Variants in ARID4A observed in about 807,000 individuals in gnomAD.
The protein encoded by ARID4A is AT-rich interactive domain-containing protein 4A.
Under a neutral mutation model 148.6 loss-of-function variants are expected in ARID4A, and 39 were observed. That is an observed-to-expected ratio of 0.26 (90% CI 0.20 to 0.34). ARID4A has a LOEUF of 0.34. Among genes scored for constraint, ARID4A ranks in the 10% least tolerant of loss-of-function variants. ARID4A has a pLI of 1.00. For missense variants in ARID4A, 1,265 were observed against 1,449.1 expected (o/e 0.87, Z 2.06); for synonymous variants, 475 against 481.2 (o/e 0.99, Z 0.17).
At position 58,364,350 on chromosome 14, in the gene ARID4A, C is replaced by T; in HGVS notation, c.2261C>T (p.Pro754Leu). Residue 754 changes from proline (P) to leucine (L), a missense_variant, in exon 20 of 24, where the codon CCT (proline) becomes CTT (leucine). Transcript: ENST00000355431. The stretch of plus-strand genomic sequence containing the variant: ...GAAAATGATAGGACTCAAATGCAGC[C>T]TTTAGAAACCCTGAAGTTAGAAGTT... ...LKENDRTQMQ[P>L]LETLKLEVGE... The T allele has an allele frequency of 6.3e-7, 1 of 1,589,388 alleles. No homozygotes were observed. Among genetic ancestry groups the T allele is most frequent in the Non-Finnish European group, 8.5e-7 (1 of 1,173,684 alleles).
chr14:58,346,364 T>G, intron 12 of ARID4A, 47 bp from the exon 13 acceptor site: 1 of 1,364,724 alleles, frequency 7.3e-7, no homozygotes, highest in Non-Finnish European at 1.0e-6. Flanking sequence ...AAATTAGTAT[T>G]TCTCATTTGA....
At chr14:58,353,558 A>G (rs2034733771) in intron 16 of ARID4A, 100 bp from the exon 17 acceptor site, 4 of 993,238 alleles carry the variant, frequency 4.0e-6, no homozygotes, top group Non-Finnish European at 4.5e-6. Context: ...TTATTAAGGT[A>G]ATACTTAGGT....
chr14:58,326,149 C>G lies in ARID4A; in HGVS notation c.583-2088C>G, dbSNP rs566744692. Among the ~76,000 whole-genome samples, 3 of 151,974 alleles carry G rather than the reference C, an allele frequency of 2.0e-5. No homozygotes were observed. The South Asian group carries it at 6.2e-4, about 32-fold the overall frequency. ...GTAGGCAAAGCTTCACTAGAGGAAA[C>G]AAAAAAATAGGTTAAAAAAATAGCA... On this transcript the variant is annotated intron_variant, in intron 8 of 23. Coordinates refer to ENST00000355431, the MANE Select transcript of ARID4A (RefSeq NM_002892.4).
intron 11 of ARID4A, among the ~76,000 whole-genome samples, chr14:58,343,583 C>A (rs930992659): frequency 2.6e-5 from 4 of 152,098 alleles, no homozygotes; most frequent in Non-Finnish European, 5.9e-5. Context: ...AATCCCAGCA[C>A]TTTGGGAGGC....
intron 5 of ARID4A, 69 bp from the exon 6 acceptor site, chr14:58,318,473 C>A: frequency 7.1e-7 from 1 of 1,405,194 alleles, no homozygotes; most frequent in Middle Eastern, 1.8e-4. Context: ...GCAATAATAG[C>A]ATTCTGTGCT....
At chr14:58,318,039 CT>C (rs2032587290) in intron 5 of ARID4A, among the ~76,000 whole-genome samples, 3 of 151,880 alleles carry the variant, frequency 2.0e-5, no homozygotes, top group Non-Finnish European at 4.4e-5. Flanking sequence ...GAACTTGTAT[CT>C]TATGACTTTA....
intron 13 of ARID4A, 54 bp from the exon 14 acceptor site, chr14:58,346,966 A>G (rs1332611548): frequency 5.1e-6 from 2 of 389,394 alleles, no homozygotes; most frequent in Non-Finnish European, 8.7e-6. Flanking sequence ...AAAAAAAAAA[A>G]AAAAAAAGAT....
In ARID4A at chr14:58,364,154, A is replaced by C; in HGVS notation, c.2081-16A>C. On this transcript the variant is annotated splice_polypyrimidine_tract_variant and intron_variant, in intron 19 of 23. Transcript: ENST00000355431. ...ATATAAAAACCTGTATAATATAATA[A>C]TATTTCCTCTTACAGACTCTTGTTC... The C allele has an allele frequency of 1.6e-6, 2 of 1,250,314 alleles. No homozygotes were observed. Among genetic ancestry groups the C allele is most frequent in the East Asian group, 2.7e-5 (1 of 37,160 alleles). 77.5% of individuals were successfully genotyped at this position (1,250,314 alleles called of 1,614,324 possible).
chr14:58,308,026 G>A (rs1351117349), intron 5 of ARID4A, among the ~76,000 whole-genome samples: 1 of 151,808 alleles, frequency 6.6e-6, no homozygotes, highest in African/African-American at 2.4e-5. Flanking sequence ...CTGATAAAAT[G>A]CGCATGCTCT....
intron 5 of ARID4A, among the ~76,000 whole-genome samples, chr14:58,317,148 G>C (rs1032802356): frequency 4.2e-5 from 6 of 143,480 alleles, no homozygotes; most frequent in South Asian, 2.3e-4. Context: ...AGCTGAGATC[G>C]CGCCACTGCA....
chr14:58,363,344 T>G (rs2035215030), intron 19 of ARID4A, among the ~76,000 whole-genome samples: 1 of 152,208 alleles, frequency 6.6e-6, no homozygotes, highest in South Asian at 2.1e-4. Flanking sequence ...CAATTTTTGT[T>G]TCCTGTACTT....
Position 58,361,819 on chromosome 14 carries a change from T to A in ARID4A, c.2080+777T>A, listed in dbSNP as rs187864316. 1.4e-3 allele frequency among the ~76,000 whole-genome samples: 209 copies of A among 152,328 alleles called. 1 individual carries two copies. The highest frequency in any genetic ancestry group is 4.7e-3 in the African/African-American group (195 of 41,574). ...CTGGAATTTTTTACTTGTGGTGTCA[T>A]GTTGGTGCCCAAAAAGTTGTGGAAT... On this transcript the variant is annotated intron_variant, in intron 19 of 23. Transcript: ENST00000355431.
chr14:58,337,266 AT>A (rs1566696832), intron 11 of ARID4A, among the ~76,000 whole-genome samples: 3 of 138,076 alleles, frequency 2.2e-5, no homozygotes, highest in African/African-American at 8.0e-5. Flanking sequence ...ATATATATAT[AT>A]AATTAAAACC....
intron 7 of ARID4A, among the ~76,000 whole-genome samples, chr14:58,322,980 A>AAAAAAAAAT (rs1255021613): frequency 5.9e-4 from 67 of 114,240 alleles, no homozygotes; most frequent in African/African-American, 8.5e-4. Flanking sequence ...AAAAAAAAAA[A>AAAAAAAAAT]ATATATATAT....
intron 11 of ARID4A, among the ~76,000 whole-genome samples, chr14:58,338,114 G>C (rs1028150081): frequency 3.3e-5 from 5 of 152,004 alleles, no homozygotes; most frequent in African/African-American, 1.2e-4. Context: ...AAATATAATA[G>C]GAAAGATAAA....
chr14:58,344,107 T>C (rs2034243594), intron 11 of ARID4A, among the ~76,000 whole-genome samples: 1 of 152,122 alleles, frequency 6.6e-6, no homozygotes. Flanking sequence ...AACCAGGTTA[T>C]TGTGAGATGA....
At chr14:58,368,689 T>A (rs2035466838) in intron 23 of ARID4A, among the ~76,000 whole-genome samples, 1 of 152,220 alleles carries the variant, frequency 6.6e-6, no homozygotes, top group African/African-American at 2.4e-5. Context: ...TTTATTTTTT[T>A]CAGATTTTGG....
At position 58,325,275 on chromosome 14, in the gene ARID4A, C is replaced by CTTGTTTTGTT. The variant is rs560915049; in HGVS notation, c.582+1676_582+1685dup. Among the ~76,000 whole-genome samples the CTTGTTTTGTT allele has an allele frequency of 2.1e-4, 32 of 152,036 alleles. No individual in the cohort carries two copies. In the South Asian group the frequency reaches 4.8e-3, roughly 23 times the overall value. ...CTTTGCAAGGTTTCTCTTAAATACT[C>CTTGTTTTGTT]TTGTTTTGTTTTGTTTTGTTTTGTT... On this transcript the variant is annotated intron_variant, in intron 8 of 23. Coordinates refer to ENST00000355431, the MANE Select transcript of ARID4A (RefSeq NM_002892.4).
intron 11 of ARID4A, chr14:58,331,496 T>A (rs2140195030): frequency 6.6e-6 from 1 of 152,292 alleles, no homozygotes; most frequent in Non-Finnish European, 1.5e-5. Flanking sequence ...CACTTTGCAT[T>A]TGAAAGAAAA....
Sources: gnomAD v4.1 joint callset for allele counts (sites outside exome capture counted in the v4.1 genomes callset) on GRCh38, gnomAD v4.1.1 for gene constraint, MANE v1.5 for transcripts, NCBI Gene and HGNC (gene_info 2026-07-23, HGNC 2026-07-21) for gene names.